The following GOLGB1 variants were observed in gnomAD, a reference collection of about 807,000 sequenced individuals.
GOLGB1 encodes the protein golgin subfamily B member 1.
Under a neutral mutation model 336.9 loss-of-function variants are expected in GOLGB1, and 174 were observed. The ratio of observed to expected loss-of-function variants is 0.52; its 90% CI spans 0.46 to 0.59. The LOEUF (loss-of-function observed/expected upper bound fraction) is 0.59, where lower values mean the gene tolerates loss of function less well. Ranked by LOEUF, GOLGB1 falls within the 20% of genes least tolerant of loss-of-function variation. GOLGB1 has a pLI of 0.00. For missense variants in GOLGB1, 3,331 were observed against 3,645.3 expected (o/e 0.91, Z 2.22); for synonymous variants, 1,208 against 1,289.2 (o/e 0.94, Z 1.35).
intron 6 of GOLGB1, among the ~76,000 whole-genome samples, chr3:121,720,446 G>A (rs897358831): frequency 3.3e-5 from 5 of 152,190 alleles, no homozygotes; most frequent in African/African-American, 1.2e-4. Context: ...CAGTGCTTCT[G>A]TCTTGTTTTT....
chr3:121,738,360 A>G (rs1430307799), intron 1 of GOLGB1, among the ~76,000 whole-genome samples: 1 of 152,238 alleles, frequency 6.6e-6, no homozygotes, highest in African/African-American at 2.4e-5. Context: ...CAAAGCAACT[A>G]GGTAACAAAA....
Position 121,729,310 on chromosome 3 carries a change from T to C in GOLGB1, c.280A>G (p.Lys94Glu). 1 of 1,613,010 alleles carries C rather than the reference T, an allele frequency of 6.2e-7. No individual in the cohort carries two copies. Among genetic ancestry groups the C allele is most frequent in the Non-Finnish European group, 8.5e-7 (1 of 1,179,270 alleles). The change falls in exon 4 of 22, where the codon AAA (lysine) becomes GAA (glutamate). Residue 94 changes from lysine to glutamate, a missense_variant. Lys to Glu is a moderately conservative substitution (Grantham distance 56, BLOSUM62 1). Transcript: ENST00000614479. ...EERKAADNKIKKLKLHAKAKL... is the reference protein window; with the variant it reads ...EERKAADNKIEKLKLHAKAKL... ...GCCTTCGCATGAAGTTTTAGTTTTT[T>C]AATTTTGTTATCAGCAGCTTTTCTC...
chr3:121,729,397 C>T lies in GOLGB1; in HGVS notation c.250-57G>A, dbSNP rs1014769382. On this transcript the variant is annotated intron_variant, in intron 3 of 21. Coordinates refer to ENST00000614479, the MANE Select transcript of GOLGB1 (RefSeq NM_001366282.2). ...ATGTTTATTCCCCTCTTATCTAGCA[C>T]ATACTAAAAGTTATTTTTATTATTA... The T allele has an allele frequency of 1.4e-5, 19 of 1,331,000 alleles. No homozygotes were observed. In the African/African-American group the frequency reaches 1.9e-4, roughly 13 times the overall value. 82.4% of individuals were successfully genotyped at this position (1,331,000 alleles called of 1,614,324 possible).
chr3:121,669,504 G>A, intron 17 of GOLGB1, 149 bp from the exon 18 acceptor site: 1 of 465,026 alleles, frequency 2.2e-6, no homozygotes, highest in Non-Finnish European at 3.5e-6. Context: ...TTCAAAGTTG[G>A]AAAAAGCATA....
intron 20 of GOLGB1, among the ~76,000 whole-genome samples, chr3:121,666,197 T>C (rs1938587557): frequency 6.6e-6 from 1 of 152,212 alleles, no homozygotes; most frequent in Non-Finnish European, 1.5e-5. Context: ...ACATGTGAGA[T>C]TCTAACATTA....
chr3:121,688,422 G>A (rs549167392), intron 14 of GOLGB1, among the ~76,000 whole-genome samples: 2 of 152,276 alleles, frequency 1.3e-5, no homozygotes, highest in Non-Finnish European at 2.9e-5. Flanking sequence ...TCCTAACCGC[G>A]AGTGATCCGC....
In GOLGB1 at chr3:121,698,872, C is replaced by T. The variant is rs968508063; in HGVS notation, c.1651G>A (p.Asp551Asn). 1.2e-6 allele frequency: 2 copies of T among 1,608,502 alleles called. No individual in the cohort carries two copies. Among genetic ancestry groups the T allele is most frequent in the Non-Finnish European group, 1.7e-6 (2 of 1,176,538 alleles). The change falls in exon 13 of 22, where the codon GAT becomes AAT. Residue 551 changes from aspartate (D) to asparagine (N), a missense_variant. Physicochemically the swap from Asp to Asn is conservative, Grantham distance 23. Transcript: ENST00000614479. Reference protein sequence around the residue: ...RSSSAEESGQDVLENTFSQKH... With the variant: ...RSSSAEESGQNVLENTFSQKH... ...TGAGAAAATGTGTTTTCTAGAACAT[C>T]TTGTCCACTTTCCTCAGCAGAAGAG...
chr3:121,688,568 T>C lies in GOLGB1; in HGVS notation c.8694+2102A>G, dbSNP rs571715044. 3.3e-5 allele frequency among the ~76,000 whole-genome samples: 5 copies of C among 152,260 alleles called. No homozygotes were observed. The East Asian group carries it at 9.7e-4, about 29-fold the overall frequency. ...CACCTCCCAGCCGCCTGCCTTGGCC[T>C]CCCAAAGTGCCGAGAGTGCAGCCTC... is the stretch of plus-strand genomic sequence containing the variant. On this transcript the variant is annotated intron_variant, in intron 14 of 21. Coordinates refer to ENST00000614479, the MANE Select transcript of GOLGB1 (RefSeq NM_001366282.2).
At chr3:121,672,422 T>C (rs1939674516) in intron 17 of GOLGB1, among the ~76,000 whole-genome samples, 1 of 152,254 alleles carries the variant, frequency 6.6e-6, no homozygotes, top group Non-Finnish European at 1.5e-5. Context: ...GCCATTTGTA[T>C]GTCTTCTTTT....
intron 17 of GOLGB1, among the ~76,000 whole-genome samples, chr3:121,671,857 CTT>C (rs36089691): frequency 2.7e-5 from 4 of 146,982 alleles, no homozygotes; most frequent in Non-Finnish European, 4.5e-5. Context: ...ATGAGATTCA[CTT>C]TTTTTTTTTT....
intron 1 of GOLGB1, among the ~76,000 whole-genome samples, chr3:121,735,177 G>A (rs1013705630): frequency 2.6e-5 from 4 of 152,164 alleles, no homozygotes; most frequent in African/African-American, 9.7e-5. Flanking sequence ...GAATTTTTAA[G>A]GTGAAGGAAC....
intron 17 of GOLGB1, among the ~76,000 whole-genome samples, chr3:121,674,780 G>T (rs1271444649): frequency 6.7e-6 from 1 of 148,536 alleles, no homozygotes; most frequent in South Asian, 2.1e-4. Flanking sequence ...ACAAATAATA[G>T]TTATTGTTTT....
At chr3:121,693,668 A>G in intron 13 of GOLGB1, 73 bp downstream of exon 13, 1 of 1,103,422 alleles carries the variant, frequency 9.1e-7, no homozygotes, top group Non-Finnish European at 1.3e-6. Flanking sequence ...GTCTAAAAGG[A>G]AACAGAAATA....
rs766372932 is a variant in GOLGB1, at chr3:121,695,147, T to A, written c.5376A>T (p.Glu1792Asp). The A allele has an allele frequency of 6.2e-7, 1 of 1,613,978 alleles. No homozygotes were observed. Among genetic ancestry groups the A allele is most frequent in the African/African-American group, 1.3e-5 (1 of 74,982 alleles). ...EKHDNQTNVT[E>D]EGTQSIPGET... ...CACCTGGTATAGACTGTGTTCCCTC[T>A]TCAGTGACATTCGTTTGGTTATCAT... is the stretch of plus-strand genomic sequence containing the variant. Residue 1792 changes from glutamate to aspartate, a missense_variant, in exon 13 of 22, where the codon GAA becomes GAT. Physicochemically the swap from Glu to Asp is conservative, Grantham distance 45. Transcript: ENST00000614479.
At position 121,668,094 on chromosome 3, in the gene GOLGB1, CTCTT is replaced by C. The variant is rs1393256216; in HGVS notation, c.9382_9385del (p.Lys3128ValfsTer6). On this transcript the variant is annotated frameshift_variant, in exon 19 of 22. Coordinates refer to ENST00000614479, the MANE Select transcript of GOLGB1 (RefSeq NM_001366282.2). LOFTEE classifies it high-confidence loss of function. Reference sequence around the variant, plus strand: ...CGGTTCCCTTAGTTCCTCAGGGTCACTCTTTCTGTGAACTCCATTCTTTTCCTGG... The same window carrying C: ...CGGTTCCCTTAGTTCCTCAGGGTCACTCTGTGAACTCCATTCTTTTCCTGG... 1 of 1,609,408 alleles carries C rather than the reference CTCTT, an allele frequency of 6.2e-7. No homozygotes were observed. Among genetic ancestry groups the C allele is most frequent in the Non-Finnish European group, 8.5e-7 (1 of 1,177,192 alleles).
chr3:121,744,040 C>G (rs184384862), intron 1 of GOLGB1, among the ~76,000 whole-genome samples: 162 of 152,210 alleles, frequency 1.1e-3, no homozygotes, highest in African/African-American at 3.8e-3. Flanking sequence ...GATTGACCCT[C>G]CCTAGAAAGG....
chr3:121,673,215 CCCG>C (rs1360648401), intron 17 of GOLGB1, among the ~76,000 whole-genome samples: 2 of 151,898 alleles, frequency 1.3e-5, no homozygotes, highest in Non-Finnish European at 2.9e-5. Flanking sequence ...ATTACAGGCC[CCCG>C]CCATCACGCC....
At chr3:121,668,027 G>T (rs1938886908) in intron 19 of GOLGB1, 34 bp downstream of exon 19, 2 of 1,141,874 alleles carry the variant, frequency 1.8e-6, no homozygotes, top group African/African-American at 1.6e-5. Flanking sequence ...GGACTCTGGT[G>T]TATGCTCCAG....
At chr3:121,673,292 C>T (rs1284997654) in intron 17 of GOLGB1, among the ~76,000 whole-genome samples, 1 of 152,188 alleles carries the variant, frequency 6.6e-6, no homozygotes, top group Non-Finnish European at 1.5e-5. Context: ...TGGTCTCGAA[C>T]TCCTGACCTC....
Sources: gnomAD v4.1 joint callset for allele counts (sites outside exome capture counted in the v4.1 genomes callset) on GRCh38, gnomAD v4.1.1 for gene constraint, MANE v1.5 for transcripts, NCBI Gene and HGNC (gene_info 2026-07-23, HGNC 2026-07-21) for gene names.